TMEM132B: variants seen among roughly 807,000 people sequenced by gnomAD.
TMEM132B encodes the protein transmembrane protein 132B.
Under a neutral mutation model 90.8 loss-of-function variants are expected in TMEM132B, and 18 were observed. The ratio of observed to expected loss-of-function variants is 0.20; its 90% CI spans 0.14 to 0.29. TMEM132B has a LOEUF of 0.29. Ranked by LOEUF, TMEM132B falls within the 10% of genes least tolerant of loss-of-function variation. TMEM132B has a pLI of 1.00. For missense variants in TMEM132B, 1,096 were observed against 1,326.8 expected (o/e 0.83, Z 2.70); for synonymous variants, 504 against 523.3 (o/e 0.96, Z 0.50).
chr12:125,303,397 A>G (rs1875882555), intron 1 of TMEM132B, among the ~76,000 whole-genome samples: 1 of 152,176 alleles, frequency 6.6e-6, no homozygotes, highest in African/African-American at 2.4e-5. Context: ...GTTGATAGAC[A>G]TTTGGGCTGT....
chr12:125,442,340 C>T (rs1382267413), intron 3 of TMEM132B, among the ~76,000 whole-genome samples: 1 of 152,130 alleles, frequency 6.6e-6, no homozygotes, highest in African/African-American at 2.4e-5. Flanking sequence ...ATTATCCACT[C>T]ATTGGGGGAT....
intron 1 of TMEM132B, among the ~76,000 whole-genome samples, chr12:125,218,776 T>TTTG (rs1276482325): frequency 2.0e-5 from 3 of 149,814 alleles, no homozygotes; most frequent in East Asian, 3.9e-4. Flanking sequence ...GCTGTTTTTT[T>TTTG]TTTTTTTTTT....
intron 3 of TMEM132B, among the ~76,000 whole-genome samples, chr12:125,506,667 C>T (rs910008413): frequency 3.9e-5 from 6 of 152,130 alleles, no homozygotes; most frequent in Non-Finnish European, 5.9e-5. Context: ...TTATCAAATA[C>T]TAACCAGCTT....
chr12:125,310,645 G>A (rs1876100843), intron 1 of TMEM132B, among the ~76,000 whole-genome samples: 1 of 152,180 alleles, frequency 6.6e-6, no homozygotes, highest in African/African-American at 2.4e-5. Flanking sequence ...CCGTGGGGCT[G>A]TCTCTCAGTG....
At chr12:125,647,071 A>G (rs1886782131) in intron 6 of TMEM132B, among the ~76,000 whole-genome samples, 1 of 152,198 alleles carries the variant, frequency 6.6e-6, no homozygotes, top group Non-Finnish European at 1.5e-5. Flanking sequence ...GGGAGAACAA[A>G]AGCCCTCAAT....
chr12:125,522,017 C>T (rs891852841), intron 4 of TMEM132B, among the ~76,000 whole-genome samples: 1 of 152,134 alleles, frequency 6.6e-6, no homozygotes, highest in African/African-American at 2.4e-5. Context: ...CAGCCTGTCC[C>T]TCAGAAGCTT....
At chr12:125,443,927 A>C (rs1880939645) in intron 3 of TMEM132B, among the ~76,000 whole-genome samples, 1 of 151,980 alleles carries the variant, frequency 6.6e-6, no homozygotes, top group African/African-American at 2.4e-5. Flanking sequence ...GGGGTGATGA[A>C]AGTGTATTTT....
chr12:125,326,876 G>A (rs1876594092), intron 1 of TMEM132B, among the ~76,000 whole-genome samples: 1 of 152,016 alleles, frequency 6.6e-6, no homozygotes, highest in South Asian at 2.1e-4. Context: ...ACTGTCCACC[G>A]AGGCTGCCAA....
chr12:125,238,322 C>G (rs1370083379), intron 1 of TMEM132B, among the ~76,000 whole-genome samples: 1 of 137,912 alleles, frequency 7.3e-6, no homozygotes, highest in East Asian at 2.1e-4. Context: ...CACTGCACTC[C>G]AGCCTGGGTT....
At chr12:125,608,907 G>A (rs1398987150) in intron 5 of TMEM132B, among the ~76,000 whole-genome samples, 2 of 152,032 alleles carry the variant, frequency 1.3e-5, no homozygotes, top group African/African-American at 2.4e-5. Context: ...CTGCTATGAA[G>A]AAATACTAGA....
intron 5 of TMEM132B, among the ~76,000 whole-genome samples, chr12:125,607,615 C>T (rs1885728688): frequency 6.6e-6 from 1 of 152,172 alleles, no homozygotes; most frequent in Non-Finnish European, 1.5e-5. Flanking sequence ...ACAAAATTAG[C>T]ATATAAAATA....
At chr12:125,608,061 G>C (rs1048736862) in intron 5 of TMEM132B, among the ~76,000 whole-genome samples, 1 of 152,142 alleles carries the variant, frequency 6.6e-6, no homozygotes, top group African/African-American at 2.4e-5. Flanking sequence ...CTGTAAACAT[G>C]TTTTTGTGTG....
At chr12:125,343,300 T>C (rs964729251) in intron 1 of TMEM132B, among the ~76,000 whole-genome samples, 1 of 152,212 alleles carries the variant, frequency 6.6e-6, no homozygotes, top group Non-Finnish European at 1.5e-5. Flanking sequence ...TGAGATGCTC[T>C]GGGTCAGCTG....
intron 3 of TMEM132B, among the ~76,000 whole-genome samples, chr12:125,477,586 C>G (rs140140165): frequency 1.3e-5 from 2 of 152,228 alleles, no homozygotes; most frequent in Admixed American, 1.3e-4. Flanking sequence ...GAGACTCTTA[C>G]ATTTTTTTCA....
At chr12:125,303,656 C>T (rs1875887715) in intron 1 of TMEM132B, among the ~76,000 whole-genome samples, 1 of 152,186 alleles carries the variant, frequency 6.6e-6, no homozygotes, top group Non-Finnish European at 1.5e-5. Context: ...ATTATTTTCC[C>T]TTTAAAAAAT....
In TMEM132B at chr12:125,658,093, A is replaced by G. The variant is rs988317029; in HGVS notation, c.*3383A>G. 6.6e-6 allele frequency: 1 copy of G among 152,260 alleles called. No homozygotes were observed. The highest frequency in any genetic ancestry group is 1.5e-5 in the Non-Finnish European group (1 of 68,040). 9.4% of individuals were successfully genotyped at this position (152,260 alleles called of 1,614,324 possible). Reference sequence around the variant, plus strand: ...TACTCCATGTGTCCCAAGAGAAGGAATAATTGTCTTTCTAGCTGTTATATA... The same window carrying G: ...TACTCCATGTGTCCCAAGAGAAGGAGTAATTGTCTTTCTAGCTGTTATATA... On this transcript the variant is annotated 3_prime_UTR_variant, in exon 9 of 9. Transcript: ENST00000682704.
chr12:125,371,373 A>G (rs1015898380), intron 2 of TMEM132B, among the ~76,000 whole-genome samples: 3 of 152,214 alleles, frequency 2.0e-5, no homozygotes, highest in Non-Finnish European at 4.4e-5. Flanking sequence ...ACAGCTGGGA[A>G]GAGACAGGGA....
chr12:125,647,897 C>CTT (rs757137864), intron 6 of TMEM132B, among the ~76,000 whole-genome samples: 12,372 of 135,156 alleles, frequency 0.092, 867 homozygotes, highest in Admixed American at 0.23. Context: ...CAATTGTATC[C>CTT]TTTTTTTTTT....
intron 4 of TMEM132B, among the ~76,000 whole-genome samples, chr12:125,568,090 ACTCAT>A (rs1194752944): frequency 6.7e-6 from 1 of 148,874 alleles, no homozygotes; most frequent in African/African-American, 2.5e-5. Flanking sequence ...CATCTTTCTA[ACTCAT>A]CTCATTCTCT....
Sources: allele counts gnomAD v4.1 joint callset (sites outside exome capture counted in the v4.1 genomes callset), GRCh38; gene constraint gnomAD v4.1.1; transcripts MANE v1.5; gene names NCBI Gene and HGNC (gene_info 2026-07-23, HGNC 2026-07-21).